The following CAMK4 variants were observed in gnomAD, a reference collection of about 807,000 sequenced individuals.
The protein encoded by CAMK4 is calcium/calmodulin dependent protein kinase IV.
Under a neutral mutation model 44.9 loss-of-function variants are expected in CAMK4, and 22 were observed. The ratio of observed to expected loss-of-function variants is 0.49; its 90% CI spans 0.35 to 0.70. The LOEUF (loss-of-function observed/expected upper bound fraction) is 0.70, where lower values mean the gene tolerates loss of function less well. Among genes scored for constraint, CAMK4 ranks in the 30% least tolerant of loss-of-function variants. The pLI, the probability that CAMK4 is intolerant of heterozygous loss-of-function variation, is 0.01. For missense variants in CAMK4, 498 were observed against 586.8 expected (o/e 0.85, Z 1.56); for synonymous variants, 218 against 215.4 (o/e 1.01, Z -0.11).
chr5:111,483,702 C>G (rs1251697106), intron 10 of CAMK4, among the ~76,000 whole-genome samples: 15 of 152,166 alleles, frequency 9.9e-5, no homozygotes, highest in Admixed American at 8.5e-4. Flanking sequence ...CTAACGTCCA[C>G]AGAACTAGTG....
chr5:111,338,721 C>T (rs1470968428), intron 1 of CAMK4, among the ~76,000 whole-genome samples: 1 of 151,352 alleles, frequency 6.6e-6, no homozygotes, highest in African/African-American at 2.4e-5. Flanking sequence ...ATAGGGAGAA[C>T]TTTTCCCATT....
At chr5:111,481,825 A>T (rs908003034) in intron 9 of CAMK4, 1 of 152,370 alleles carries the variant, frequency 6.6e-6, no homozygotes, top group Middle Eastern at 3.4e-3. Context: ...TAGTAGTTCC[A>T]AATGATAAGG....
intron 4 of CAMK4, among the ~76,000 whole-genome samples, chr5:111,382,895 C>T (rs1379238736): frequency 6.6e-6 from 1 of 152,078 alleles, no homozygotes; most frequent in Non-Finnish European, 1.5e-5. Context: ...TTAAGCTGAC[C>T]TTTAATTTGT....
At chr5:111,339,904 G>T (rs1360241716) in intron 1 of CAMK4, among the ~76,000 whole-genome samples, 1 of 150,720 alleles carries the variant, frequency 6.6e-6, no homozygotes, top group African/African-American at 2.4e-5. Context: ...TTTCTTTTAT[G>T]CATGTTTATA....
At chr5:111,353,494 A>T (rs1320174629) in intron 2 of CAMK4, among the ~76,000 whole-genome samples, 4 of 152,146 alleles carry the variant, frequency 2.6e-5, no homozygotes, top group Non-Finnish European at 5.9e-5. Flanking sequence ...AGGAAAAATA[A>T]CAGTAGGAAA....
intron 2 of CAMK4, among the ~76,000 whole-genome samples, chr5:111,357,763 G>A (rs1750427211): frequency 6.6e-6 from 1 of 152,050 alleles, no homozygotes; most frequent in Non-Finnish European, 1.5e-5. Flanking sequence ...CGGTAAAGGA[G>A]CATAATGCTA....
intron 9 of CAMK4, 49 bp downstream of exon 9, chr5:111,478,556 T>A: frequency 9.4e-7 from 1 of 1,062,354 alleles, no homozygotes; most frequent in Non-Finnish European, 1.3e-6. Flanking sequence ...AATTTATTTT[T>A]AACTAATTAA....
intron 1 of CAMK4, among the ~76,000 whole-genome samples, chr5:111,234,298 A>G (rs1258738876): frequency 6.6e-6 from 1 of 152,176 alleles, no homozygotes; most frequent in African/African-American, 2.4e-5. Context: ...CATACGTGCA[A>G]CTGTTATGCA....
intron 1 of CAMK4, among the ~76,000 whole-genome samples, chr5:111,311,044 A>G (rs2112670338): frequency 6.6e-6 from 1 of 152,254 alleles, no homozygotes; most frequent in East Asian, 1.9e-4. Flanking sequence ...AGTGGAGCTT[A>G]TTTTCAGAGA....
chr5:111,486,347 C>A lies in CAMK4; in HGVS notation c.*1881C>A. ...ACTTTTCTTATTCCCTCTTTCCTTC[C>A]TTCCTCATTTAATTATTCCCTCTCA... is the stretch of plus-strand genomic sequence containing the variant. On this transcript the variant is annotated 3_prime_UTR_variant, in exon 11 of 11. Coordinates refer to ENST00000282356, the MANE Select transcript of CAMK4 (RefSeq NM_001744.6). 1 of 151,962 alleles carries A rather than the reference C, an allele frequency of 6.6e-6. No homozygotes were observed. Among genetic ancestry groups the A allele is most frequent in the East Asian group, 1.9e-4 (1 of 5,196 alleles). The allele number at this position is 151,962 out of a possible 1,614,324, so 9.4% of individuals were successfully genotyped here.
rs116518994 is a variant in CAMK4 at position 111,310,187 on chromosome 5, A to G, written c.162-33837A>G. On this transcript the variant is annotated intron_variant, in intron 1 of 10. Transcript: ENST00000282356. Reference sequence around the variant, plus strand: ...GGCCACCTGTATCCCCACCTGTGCAAAGTTTCTCTAGTTTTATTGCTTTGT... The same window carrying G: ...GGCCACCTGTATCCCCACCTGTGCAGAGTTTCTCTAGTTTTATTGCTTTGT... Among the ~76,000 whole-genome samples, 883 of 152,098 alleles carry G rather than the reference A, an allele frequency of 5.8e-3. 11 individuals carry two copies. Among genetic ancestry groups the G allele is most frequent in the African/African-American group, 0.02 (833 of 41,470 alleles).
intron 7 of CAMK4, among the ~76,000 whole-genome samples, chr5:111,459,345 G>A (rs116748444): frequency 0.012 from 1,849 of 152,254 alleles, 33 homozygotes; most frequent in African/African-American, 0.042. Context: ...TAAAGCTGTC[G>A]GCAATAGTAA....
chr5:111,243,645 T>C (rs1288414908), intron 1 of CAMK4, among the ~76,000 whole-genome samples: 1 of 152,176 alleles, frequency 6.6e-6, no homozygotes, highest in Non-Finnish European at 1.5e-5. Context: ...TCTGCCAATA[T>C]CTTCTTGTTT....
At chr5:111,436,559 G>A (rs1753654322) in intron 5 of CAMK4, among the ~76,000 whole-genome samples, 1 of 152,102 alleles carries the variant, frequency 6.6e-6, no homozygotes, top group Admixed American at 6.6e-5. Context: ...AAATCCTAAA[G>A]CAACAAAGCA....
chr5:111,346,124 A>G (rs1385708025), intron 2 of CAMK4, among the ~76,000 whole-genome samples: 1 of 151,966 alleles, frequency 6.6e-6, no homozygotes, highest in Non-Finnish European at 1.5e-5. Flanking sequence ...GTTTCATTCC[A>G]TATAGGTCAC....
At chr5:111,470,008 A>C (rs1755007485) in intron 7 of CAMK4, among the ~76,000 whole-genome samples, 1 of 152,272 alleles carries the variant, frequency 6.6e-6, no homozygotes, top group Non-Finnish European at 1.5e-5. Context: ...AGATTCACTG[A>C]TGTGAAGACC....
rs75737951 is a variant in CAMK4, at chr5:111,300,258, C to T, written c.162-43766C>T. Among the ~76,000 whole-genome samples, 1,241 of 152,270 alleles carry T rather than the reference C, an allele frequency of 8.1e-3. 13 individuals are homozygous for T. Among genetic ancestry groups the T allele is most frequent in the African/African-American group, 0.022 (897 of 41,564 alleles). ...GACAGAATTATTACCATTAATGAAACTGAAAAATATGAGAGACATAGACCA... is the reference window on the plus strand; with the variant it reads ...GACAGAATTATTACCATTAATGAAATTGAAAAATATGAGAGACATAGACCA... On this transcript the variant is annotated intron_variant, in intron 1 of 10. Transcript: ENST00000282356.
chr5:111,367,390 C>T (rs1031905272), intron 2 of CAMK4, among the ~76,000 whole-genome samples: 2 of 152,078 alleles, frequency 1.3e-5, no homozygotes, highest in Non-Finnish European at 2.9e-5. Flanking sequence ...GGCCCTACCT[C>T]TTAATACTGA....
In CAMK4 at chr5:111,484,550, G is replaced by A; in HGVS notation, c.*84G>A. 1.2e-6 allele frequency: 1 copy of A among 856,340 alleles called. No homozygotes were observed. The highest frequency in any genetic ancestry group is 1.7e-6 in the Non-Finnish European group (1 of 596,698). The allele number at this position is 856,340 out of a possible 1,614,324, so 53.0% of individuals were successfully genotyped here. A position where few individuals can be genotyped will look rare whatever the true frequency, so the allele number is the denominator to read the frequency against. ...CAAGAAAGGTGTGGAAGCATGATAT[G>A]TACTATAGTGATTCTGTTTTTGAGG... On this transcript the variant is annotated 3_prime_UTR_variant, in exon 11 of 11. Coordinates refer to ENST00000282356, the MANE Select transcript of CAMK4 (RefSeq NM_001744.6). This position sits in a 1 kb window ranked among gnomAD's most constrained non-coding sequence, Gnocchi z 5.3.
Sources: allele counts gnomAD v4.1 joint callset (sites outside exome capture counted in the v4.1 genomes callset), GRCh38; gene constraint gnomAD v4.1.1; non-coding constraint Gnocchi (gnomAD v3.1); transcripts MANE v1.5; gene names NCBI Gene and HGNC (gene_info 2026-07-23, HGNC 2026-07-21).